TMEM178B: variants seen among roughly 807,000 people sequenced by gnomAD.
The protein encoded by TMEM178B is transmembrane protein 178B.
Under a neutral mutation model 31.0 loss-of-function variants are expected in TMEM178B, and 5 were observed. That is an observed-to-expected ratio of 0.16 (90% CI 0.08 to 0.34). The LOEUF is 0.34. Ranked by LOEUF, TMEM178B falls within the 10% of genes least tolerant of loss-of-function variation. The pLI is 1.00. For synonymous variants in TMEM178B, 164 were observed against 164.0 expected (o/e 1.00, Z 0.00); for missense variants, 275 against 400.3 (o/e 0.69, Z 2.67).
intron 1 of TMEM178B, among the ~76,000 whole-genome samples, chr7:141,136,580 G>T (rs1253583605): frequency 2.0e-5 from 3 of 152,166 alleles, no homozygotes; most frequent in Non-Finnish European, 2.9e-5. Flanking sequence ...ACACTGTGAA[G>T]AGACAACCTG....
intron 1 of TMEM178B, among the ~76,000 whole-genome samples, chr7:141,106,717 A>T (rs1295991309): frequency 6.6e-6 from 1 of 152,198 alleles, no homozygotes. Context: ...CATCATCACC[A>T]TCTTCACTCC....
At chr7:141,282,445 C>T (rs1005063339) in intron 2 of TMEM178B, among the ~76,000 whole-genome samples, 1 of 152,206 alleles carries the variant, frequency 6.6e-6, no homozygotes, top group Admixed American at 6.5e-5. Flanking sequence ...AGCCACCTGC[C>T]TATAATCAGT....
intron 2 of TMEM178B, among the ~76,000 whole-genome samples, chr7:141,290,148 C>A (rs888135938): frequency 1.3e-5 from 2 of 152,168 alleles, no homozygotes; most frequent in Admixed American, 1.3e-4. Flanking sequence ...AGATGGTCTC[C>A]TTGTAGCTCC....
At chr7:141,443,302 G>A (rs932991808) in intron 3 of TMEM178B, among the ~76,000 whole-genome samples, 1 of 152,138 alleles carries the variant, frequency 6.6e-6, no homozygotes, top group African/African-American at 2.4e-5. Flanking sequence ...AACGGCCCCA[G>A]CTGACTCCGA....
chr7:141,293,649 C>T (rs995124406), intron 2 of TMEM178B, among the ~76,000 whole-genome samples: 2 of 152,194 alleles, frequency 1.3e-5, no homozygotes, highest in South Asian at 2.1e-4. Context: ...TTCTGTTGGA[C>T]ATTCACCAGG....
chr7:141,213,833 C>T (rs1017848040), intron 2 of TMEM178B, among the ~76,000 whole-genome samples: 4 of 152,262 alleles, frequency 2.6e-5, no homozygotes, highest in South Asian at 4.2e-4. Context: ...ATTGTGGCTG[C>T]GTGTCCAGAT....
rs142889776 is a variant in TMEM178B at position 141,166,003 on chromosome 7, G to A, written c.383-46588G>A. Among the ~76,000 whole-genome samples the A allele has an allele frequency of 5.3e-5, 8 of 152,328 alleles. No homozygotes were observed. In the East Asian group the frequency reaches 1.5e-3, roughly 29 times the overall value. Reference sequence around the variant, plus strand: ...GCTATGAGACAGCCGTGGAAATGTAGTCTTTATTTGTTTCTTTCCAGGAAG... The same window carrying A: ...GCTATGAGACAGCCGTGGAAATGTAATCTTTATTTGTTTCTTTCCAGGAAG... On this transcript the variant is annotated intron_variant, in intron 1 of 3. Transcript: ENST00000565468.
In TMEM178B at chr7:141,112,095, G is replaced by A. The variant is rs917430546; in HGVS notation, c.382+37403G>A. 3.9e-5 allele frequency among the ~76,000 whole-genome samples: 6 copies of A among 152,070 alleles called. No homozygotes were observed. In the East Asian group the frequency reaches 7.7e-4, roughly 20 times the overall value. Reference sequence around the variant, plus strand: ...TTTGCCTGTATGTATGTGTATATTAGCCTGTTCGCTGGTAGTCATGAAGAA... The same window carrying A: ...TTTGCCTGTATGTATGTGTATATTAACCTGTTCGCTGGTAGTCATGAAGAA... On this transcript the variant is annotated intron_variant, in intron 1 of 3. Coordinates refer to ENST00000565468, the MANE Select transcript of TMEM178B (RefSeq NM_001195278.2).
At chr7:141,271,338 G>A (rs1004238600) in intron 2 of TMEM178B, among the ~76,000 whole-genome samples, 3 of 152,166 alleles carry the variant, frequency 2.0e-5, no homozygotes, top group Admixed American at 2.0e-4. Flanking sequence ...AGGAATGAGG[G>A]GGCAAAGATT....
In TMEM178B at chr7:141,397,047, C is replaced by T. The variant is rs550489808; in HGVS notation, c.497-40561C>T. The stretch of plus-strand genomic sequence containing the variant: ...GGGAAACGAGATGTGGGAATAGTGT[C>T]ACTATTACTGCCATCATCACCGTAA... On this transcript the variant is annotated intron_variant, in intron 2 of 3. Transcript: ENST00000565468. Among the ~76,000 whole-genome samples the T allele has an allele frequency of 7.2e-5, 11 of 152,302 alleles. No individual in the cohort carries two copies. In the East Asian group the frequency reaches 2.1e-3, roughly 29 times the overall value.
intron 1 of TMEM178B, among the ~76,000 whole-genome samples, chr7:141,167,569 C>T (rs1388785333): frequency 1.3e-5 from 2 of 152,204 alleles, no homozygotes; most frequent in Non-Finnish European, 2.9e-5. Flanking sequence ...CACTGACATC[C>T]CTCGCTCTTT....
At chr7:141,392,300 A>T (rs1034976039) in intron 2 of TMEM178B, among the ~76,000 whole-genome samples, 10 of 152,216 alleles carry the variant, frequency 6.6e-5, no homozygotes, top group Non-Finnish European at 1.3e-4. Context: ...ATTCCATATC[A>T]TGCACAAAAT....
chr7:141,147,821 T>A (rs1795879606), intron 1 of TMEM178B, among the ~76,000 whole-genome samples: 1 of 152,192 alleles, frequency 6.6e-6, no homozygotes, highest in South Asian at 2.1e-4. Flanking sequence ...GATGTTAAGC[T>A]GTTGGATGTA....
intron 2 of TMEM178B, among the ~76,000 whole-genome samples, chr7:141,308,073 G>C (rs767324714): frequency 4.6e-5 from 7 of 152,186 alleles, no homozygotes; most frequent in Non-Finnish European, 7.4e-5. Flanking sequence ...GTAGAGATTT[G>C]ATTTGTATCC....
At chr7:141,510,960 A>G in the TMEM178B span, among the ~76,000 whole-genome samples, 1 of 149,694 alleles carries the variant, frequency 6.7e-6, no homozygotes, top group Admixed American at 6.6e-5. Flanking sequence ...AGATTGGACC[A>G]TTACTTCACT....
chr7:141,466,247 G>C (rs1015254652), intron 3 of TMEM178B, among the ~76,000 whole-genome samples: 4 of 152,136 alleles, frequency 2.6e-5, no homozygotes, highest in African/African-American at 9.7e-5. Context: ...AATTTCAAAA[G>C]GTTCCACAGT....
chr7:141,129,328 A>G (rs1340584231), intron 1 of TMEM178B, among the ~76,000 whole-genome samples: 3 of 152,234 alleles, frequency 2.0e-5, no homozygotes, highest in Admixed American at 6.5e-5. Flanking sequence ...TCATATTCCC[A>G]TAGGTACATC....
chr7:141,119,030 G>C (rs1024522272), intron 1 of TMEM178B, among the ~76,000 whole-genome samples: 2 of 152,170 alleles, frequency 1.3e-5, no homozygotes, highest in Non-Finnish European at 2.9e-5. Context: ...GTATTAGTTT[G>C]AGTTCTCCCA....
intron 2 of TMEM178B, among the ~76,000 whole-genome samples, chr7:141,255,946 C>A (rs1280103247): frequency 6.6e-6 from 1 of 152,132 alleles, no homozygotes; most frequent in Non-Finnish European, 1.5e-5. Context: ...TTTCCCATAC[C>A]TAGGCGTGAG....
Sources: gnomAD v4.1 joint callset for allele counts (sites outside exome capture counted in the v4.1 genomes callset) on GRCh38, gnomAD v4.1.1 for gene constraint, MANE v1.5 for transcripts, NCBI Gene and HGNC (gene_info 2026-07-23, HGNC 2026-07-21) for gene names.